TBCE: variants seen among roughly 807,000 people sequenced by gnomAD.
The protein encoded by TBCE is tubulin-specific chaperone E.
Under a neutral mutation model 77.0 loss-of-function variants are expected in TBCE, and 53 were observed. The observed-to-expected ratio is 0.69, with a 90% confidence interval of 0.55 to 0.87. The LOEUF (loss-of-function observed/expected upper bound fraction) is 0.87. Ranked by LOEUF, TBCE falls within the 40% of genes least tolerant of loss-of-function variation. The pLI, the probability that TBCE is intolerant of heterozygous loss-of-function variation, is 0.00. For synonymous variants in TBCE, 235 were observed against 241.3 expected, an observed-to-expected ratio of 0.97 and a Z score of 0.24; for missense variants, 624 against 622.4, an observed-to-expected ratio of 1.00 and a Z score of -0.03.
chr1:235,430,379 AG>A, intron 6 of TBCE: 2 of 306,100 alleles, frequency 6.5e-6, no homozygotes, highest in South Asian at 6.2e-5. Flanking sequence ...CAGTATCCAG[AG>A]CCATATCTTG....
chr1:235,432,191 C>G (rs1394414726), intron 7 of TBCE, among the ~76,000 whole-genome samples: 1 of 151,548 alleles, frequency 6.6e-6, no homozygotes, highest in African/African-American at 2.4e-5. Context: ...ACCATGTTGG[C>G]CAGGATGGTC....
intron 14 of TBCE, among the ~76,000 whole-genome samples, chr1:235,442,435 G>T (rs554752902): frequency 6.6e-6 from 1 of 152,276 alleles, no homozygotes; most frequent in Non-Finnish European, 1.5e-5. Flanking sequence ...CTCCCAAAGT[G>T]CTAGGATTAG....
rs1169655703 is a variant in TBCE at position 235,448,445 on chromosome 1, G to A, written c.1491+5G>A. The A allele has an allele frequency of 6.2e-7, 1 of 1,613,810 alleles. No homozygotes were observed. Among genetic ancestry groups the A allele is most frequent in the Non-Finnish European group, 8.5e-7 (1 of 1,179,752 alleles). On this transcript the variant is annotated splice_donor_5th_base_variant and intron_variant, in intron 16 of 16. Transcript: ENST00000642610. ...TTGTCCTATGAAAGTCCCAAAGTAA[G>A]TTGCCCAGCAAAATACAAAGTCAAA...
At chr1:235,376,225 C>T (rs182329063) in intron 1 of TBCE, among the ~76,000 whole-genome samples, 94 of 152,230 alleles carry the variant, frequency 6.2e-4, no homozygotes, top group African/African-American at 2.0e-3. Context: ...CATGAGTTAC[C>T]TACAGATGTT....
chr1:235,450,051 T>C lies in TBCE; in HGVS notation c.*1289T>C. 1 of 865,200 alleles carries C rather than the reference T, an allele frequency of 1.2e-6. No homozygotes were observed. The highest frequency in any genetic ancestry group is 1.7e-6 in the Non-Finnish European group (1 of 579,780). 53.6% of individuals were successfully genotyped at this position (865,200 alleles called of 1,614,324 possible). A position where few individuals can be genotyped will look rare whatever the true frequency, so the allele number is the denominator to read the frequency against. ...ATTTTTAAGGAAATTTGTGCAAACA[T>C]TAAGAAACACCGCATTGGTTCTGGG... On this transcript the variant is annotated 3_prime_UTR_variant, in exon 17 of 17. Transcript: ENST00000642610.
chr1:235,387,610 G>A (rs1195339193), intron 2 of TBCE, among the ~76,000 whole-genome samples: 1 of 152,164 alleles, frequency 6.6e-6, no homozygotes, highest in Admixed American at 6.6e-5. Flanking sequence ...AGCCAGGTGC[G>A]GGATATAATC....
intron 2 of TBCE, among the ~76,000 whole-genome samples, chr1:235,387,670 G>A (rs1446618837): frequency 6.6e-6 from 1 of 152,120 alleles, no homozygotes; most frequent in African/African-American, 2.4e-5. Flanking sequence ...GTATTAGGGT[G>A]GGAGTGACCC....
In TBCE at chr1:235,380,164, TGTGTGTG is replaced by T. The variant is rs760898553; in HGVS notation, c.100+16_100+22del. On this transcript the variant is annotated intron_variant, in intron 2 of 16. Transcript: ENST00000642610. ...TCCCGTGGCAGGTAAGCAATTATTG[TGTGTGTG>T]TGTGTGTGTGTGTGTGTGTGTGTGT... The T allele has an allele frequency of 1.0e-4, 3 of 28,836 alleles. No homozygotes were observed. The South Asian group carries it at 1.7e-3, about 16-fold the overall frequency. The allele number at this position is 28,836 out of a possible 1,614,324, so 1.8% of individuals were successfully genotyped here.
At chr1:235,369,643 G>A (rs1407373318) in intron 1 of TBCE, among the ~76,000 whole-genome samples, 5 of 141,344 alleles carry the variant, frequency 3.5e-5, no homozygotes, top group African/African-American at 1.1e-4. Context: ...CCAAAGTGGC[G>A]AAACCCCGTC....
At chr1:235,439,852 A>C (rs971628001) in intron 13 of TBCE, among the ~76,000 whole-genome samples, 1 of 151,802 alleles carries the variant, frequency 6.6e-6, no homozygotes, top group Admixed American at 6.6e-5. Context: ...CCCAGGCTGG[A>C]GTGCAGTGGC....
chr1:235,437,236 A>G, intron 11 of TBCE, 86 bp from the exon 12 acceptor site: 2 of 1,541,374 alleles, frequency 1.3e-6, no homozygotes, highest in Non-Finnish European at 1.8e-6. Flanking sequence ...AGAACTAGGG[A>G]CATGCTTTCC....
intron 2 of TBCE, among the ~76,000 whole-genome samples, chr1:235,390,924 A>T (rs1036033568): frequency 4.6e-5 from 7 of 152,060 alleles, no homozygotes; most frequent in Non-Finnish European, 7.4e-5. Flanking sequence ...CTTTCCTCAT[A>T]TGATAAGGAA....
chr1:235,388,084 A>G (rs1344886519), intron 2 of TBCE, among the ~76,000 whole-genome samples: 3 of 152,132 alleles, frequency 2.0e-5, no homozygotes, highest in Non-Finnish European at 2.9e-5. Flanking sequence ...GTAATGTTTA[A>G]TGAATAATTA....
intron 12 of TBCE, among the ~76,000 whole-genome samples, 193 bp downstream of exon 12, chr1:235,437,667 C>G (rs1403740282): frequency 6.6e-6 from 1 of 151,638 alleles, no homozygotes; most frequent in Non-Finnish European, 1.5e-5. Context: ...CAAAAATTAG[C>G]TGCATGGTGG....
chr1:235,419,093 G>C, intron 4 of TBCE: 1 of 313,092 alleles, frequency 3.2e-6, no homozygotes, highest in South Asian at 2.9e-5. Flanking sequence ...TGTAATCCCA[G>C]CTACTGGGGA....
At chr1:235,438,568 G>C in intron 12 of TBCE, among the ~76,000 whole-genome samples, 1 of 137,114 alleles carries the variant, frequency 7.3e-6, no homozygotes, top group South Asian at 2.3e-4. Flanking sequence ...AAAAAAGAGT[G>C]TAAAACTGAA....
intron 1 of TBCE, among the ~76,000 whole-genome samples, chr1:235,378,424 A>G (rs559561705): frequency 6.6e-6 from 1 of 152,082 alleles, no homozygotes; most frequent in Non-Finnish European, 1.5e-5. Flanking sequence ...AAGTTTCACT[A>G]TGTTGCCCAG....
At chr1:235,399,754 T>C (rs1678973284) in intron 2 of TBCE, among the ~76,000 whole-genome samples, 1 of 152,232 alleles carries the variant, frequency 6.6e-6, no homozygotes, top group South Asian at 2.1e-4. Context: ...AAGAGGGGGC[T>C]GTTGGAACCC....
In TBCE at chr1:235,428,095, C is replaced by T. The variant is rs190574535; in HGVS notation, c.560+856C>T. On this transcript the variant is annotated intron_variant, in intron 6 of 16. Transcript: ENST00000642610. Reference sequence around the variant, plus strand: ...ATCCCAACACTTTGGGAGGCTGAGGCGGGCGGATCATGAGGTCAGGAGATC... The same window carrying T: ...ATCCCAACACTTTGGGAGGCTGAGGTGGGCGGATCATGAGGTCAGGAGATC... 5.6e-3 allele frequency among the ~76,000 whole-genome samples: 847 copies of T among 151,834 alleles called. 5 individuals carry two copies. Among genetic ancestry groups the T allele is most frequent in the Admixed American group, 9.7e-3 (148 of 15,242 alleles).
Sources: allele counts gnomAD v4.1 joint callset (sites outside exome capture counted in the v4.1 genomes callset), GRCh38; gene constraint gnomAD v4.1.1; transcripts MANE v1.5; gene names NCBI Gene and HGNC (gene_info 2026-07-23, HGNC 2026-07-21).